The following C13orf42 variants were observed in gnomAD, a reference collection of about 807,000 sequenced individuals.
C13orf42 encodes chromosome 13 open reading frame 42.
At chr13:51,089,228 C>T (rs17075314) in intron 1 of C13orf42, among the ~76,000 whole-genome samples, 5,859 of 152,172 alleles carry the variant, frequency 0.039, 362 homozygotes, top group African/African-American at 0.13. Context: ...GCATTTTGTA[C>T]TACTAAGAAA....
chr13:51,153,730 C>G (rs1344648373), intron 1 of C13orf42, among the ~76,000 whole-genome samples: 2 of 143,792 alleles, frequency 1.4e-5, no homozygotes, highest in African/African-American at 5.2e-5. Context: ...CAACCTCCGT[C>G]TCCTGAGCTC....
intron 1 of C13orf42, among the ~76,000 whole-genome samples, chr13:51,097,083 T>C (rs951341601): frequency 6.6e-6 from 1 of 152,254 alleles, no homozygotes; most frequent in African/African-American, 2.4e-5. Flanking sequence ...AGGATCACTC[T>C]ATAGCAGTAA....
At chr13:51,089,918 C>T (rs1953165326) in intron 1 of C13orf42, among the ~76,000 whole-genome samples, 1 of 151,802 alleles carries the variant, frequency 6.6e-6, no homozygotes, top group Admixed American at 6.6e-5. Flanking sequence ...GAGAGGTGAC[C>T]AATGTGATGG....
At chr13:51,134,898 C>A (rs1953645548) in intron 1 of C13orf42, among the ~76,000 whole-genome samples, 1 of 152,256 alleles carries the variant, frequency 6.6e-6, no homozygotes, top group Admixed American at 6.5e-5. Flanking sequence ...TCCCTCCTGA[C>A]CTGGATGGAG....
intron 1 of C13orf42, among the ~76,000 whole-genome samples, chr13:51,108,427 G>C (rs970717834): frequency 6.6e-6 from 1 of 152,162 alleles, no homozygotes; most frequent in East Asian, 1.9e-4. Flanking sequence ...CTGGTCCCCT[G>C]TCCCGGCAAT....
At chr13:51,093,074 C>A (rs1009510469) in intron 1 of C13orf42, among the ~76,000 whole-genome samples, 1 of 152,062 alleles carries the variant, frequency 6.6e-6, no homozygotes, top group Non-Finnish European at 1.5e-5. Flanking sequence ...CAGGAAGTAC[C>A]TAGTTTATGT....
Position 51,129,893 on chromosome 13 carries a change from C to T in C13orf42, n.137-16671G>A, listed in dbSNP as rs183983426. Among the ~76,000 whole-genome samples the T allele has an allele frequency of 6.7e-4, 102 of 152,272 alleles. 1 individual carries two copies. The Middle Eastern group carries it at 0.017, about 25-fold the overall frequency. On this transcript the variant is annotated intron_variant and non_coding_transcript_variant, in intron 1 of 4. Transcript: ENST00000433280. ...GCTGCAGATGCATGAAAAAAATAAA[C>T]TGGATGGGGTTTCCCTCCTGTCTTC... is the stretch of plus-strand genomic sequence containing the variant.
chr13:51,122,996 T>C (rs1381485094), intron 1 of C13orf42, among the ~76,000 whole-genome samples: 1 of 152,220 alleles, frequency 6.6e-6, no homozygotes, highest in Non-Finnish European at 1.5e-5. Context: ...GAAAGATGGA[T>C]TGATACTTGT....
chr13:51,145,835 C>A (rs187511129), intron 1 of C13orf42, among the ~76,000 whole-genome samples: 9 of 152,328 alleles, frequency 5.9e-5, no homozygotes, highest in Non-Finnish European at 1.3e-4. Flanking sequence ...CAATGTACTT[C>A]TAACATATAT....
chr13:51,145,286 C>T (rs1953726031), intron 1 of C13orf42, among the ~76,000 whole-genome samples: 1 of 152,128 alleles, frequency 6.6e-6, no homozygotes, highest in Non-Finnish European at 1.5e-5. Context: ...TCATACCTGC[C>T]TATTAATATA....
At chr13:51,136,463 G>A (rs534099381) in intron 1 of C13orf42, among the ~76,000 whole-genome samples, 114 of 152,276 alleles carry the variant, frequency 7.5e-4, no homozygotes, top group Non-Finnish European at 1.3e-3. Context: ...TCTTTTAGTC[G>A]TGGCAGAGAA....
rs200963506 is a variant in C13orf42 at position 51,093,961 on chromosome 13, G to GT, written c.415-5887dup. Among the ~76,000 whole-genome samples the GT allele has an allele frequency of 3.0e-3, 455 of 152,172 alleles. 2 individuals are homozygous for GT. The highest frequency in any genetic ancestry group is 0.01 in the African/African-American group (416 of 41,534). Reference sequence around the variant, plus strand: ...ACCAATAAGGTTCACTTGCTTGTTTGTTTTGGGGGGGTATTATTTAAAATT... The same window carrying GT: ...ACCAATAAGGTTCACTTGCTTGTTTGTTTTTGGGGGGGTATTATTTAAAATT... On this transcript the variant is annotated intron_variant, in intron 1 of 3. Coordinates refer to ENST00000563710, the MANE Select transcript of C13orf42 (RefSeq NM_001351589.3).
chr13:51,090,658 C>T (rs1398721173), intron 1 of C13orf42, among the ~76,000 whole-genome samples: 1 of 152,056 alleles, frequency 6.6e-6, no homozygotes, highest in Non-Finnish European at 1.5e-5. Flanking sequence ...TGATTCAGTC[C>T]TAAGTGTCTC....
chr13:51,118,750 T>C (rs1213547733), intron 1 of C13orf42, among the ~76,000 whole-genome samples: 3 of 152,196 alleles, frequency 2.0e-5, no homozygotes, highest in African/African-American at 7.2e-5. Context: ...GGCATAATTA[T>C]GAATAGCACC....
At chr13:51,145,577 C>T (rs1310400833) in intron 1 of C13orf42, among the ~76,000 whole-genome samples, 1 of 152,018 alleles carries the variant, frequency 6.6e-6, no homozygotes, top group Non-Finnish European at 1.5e-5. Flanking sequence ...ATATCTTGGG[C>T]CCCCAAAATC....
chr13:51,084,601 C>G (rs796753265), intron 3 of C13orf42, among the ~76,000 whole-genome samples: 1 of 152,200 alleles, frequency 6.6e-6, no homozygotes, highest in South Asian at 2.1e-4. Flanking sequence ...GAAATGCTAT[C>G]TAGAAAGCCC....
intron 1 of C13orf42, among the ~76,000 whole-genome samples, chr13:51,143,752 A>G (rs1292152849): frequency 6.6e-6 from 1 of 152,200 alleles, no homozygotes; most frequent in African/African-American, 2.4e-5. Flanking sequence ...GTCTTTTTCT[A>G]ACCTAATTAA....
intron 1 of C13orf42, among the ~76,000 whole-genome samples, chr13:51,169,336 G>A (rs1292010615): frequency 6.6e-6 from 1 of 152,230 alleles, no homozygotes; most frequent in Non-Finnish European, 1.5e-5. Flanking sequence ...AGTCACTTTT[G>A]TTATGCAGGA....
At chr13:51,139,730 A>G (rs1003478461) in intron 1 of C13orf42, among the ~76,000 whole-genome samples, 2 of 152,324 alleles carry the variant, frequency 1.3e-5, no homozygotes, top group Non-Finnish European at 2.9e-5. Context: ...GGCAACATCA[A>G]GAAGTTATCC....
Sources: allele counts gnomAD v4.1 joint callset (sites outside exome capture counted in the v4.1 genomes callset), GRCh38; gene constraint gnomAD v4.1.1; transcripts MANE v1.5; gene names NCBI Gene and HGNC (gene_info 2026-07-23, HGNC 2026-07-21).